Variants in SLC45A1 observed in about 807,000 individuals in gnomAD.
SLC45A1 encodes the protein proton-associated sugar transporter A.
A neutral mutation model predicts 57.6 loss-of-function variants in SLC45A1; 28 were observed. The observed-to-expected ratio is 0.49, with a 90% CI of 0.36 to 0.67. The LOEUF (loss-of-function observed/expected upper bound fraction) is 0.67. Ranked by LOEUF, SLC45A1 falls within the 30% of genes least tolerant of loss-of-function variation. SLC45A1 has a pLI of 0.00. For missense variants in SLC45A1, 814 were observed against 1,041.5 expected (o/e 0.78, Z 3.01); for synonymous variants, 459 against 471.5 (o/e 0.97, Z 0.34).
chr1:8,340,580 G>A (rs1640778097), intron 8 of SLC45A1, among the ~76,000 whole-genome samples: 2 of 152,118 alleles, frequency 1.3e-5, no homozygotes, highest in Admixed American at 6.5e-5. Flanking sequence ...CTGACTAGAC[G>A]TTTCTTGCCC....
chr1:8,337,454 T>G (rs1271253884), intron 6 of SLC45A1, among the ~76,000 whole-genome samples: 1 of 152,238 alleles, frequency 6.6e-6, no homozygotes, highest in African/African-American at 2.4e-5. Flanking sequence ...AGTCTCGCTC[T>G]GTCGCCCGGG....
At position 8,324,500 on chromosome 1, in the gene SLC45A1, T is replaced by TCCCGGG; in HGVS notation, c.174_175insGGGCCC (p.Pro58_Ser59insGlyPro). On this transcript the variant is annotated inframe_insertion, in exon 2 of 9. Transcript: ENST00000471889. ...ACCCCAAGAGGAGGAAGTGCATTCG[T>TCCCGGG]CCCTCCCCACCCCCGCCCCCCAACA... The TCCCGGG allele has an allele frequency of 6.2e-7, 1 of 1,610,694 alleles. No individual in the cohort carries two copies. The highest frequency in any genetic ancestry group is 8.5e-7 in the Non-Finnish European group (1 of 1,178,912).
rs1480304702 is a variant in SLC45A1 at position 8,326,038 on chromosome 1, G to C, written c.711G>C (p.Leu237=). ...GAGGCCTGAACATCCACGCCCTCCT[G>C]GCAGGTGAGTCTCCGCAGCAGGGCC... The part of the protein sequence containing the change: ...QDRGLNIHAL[L]AGLGGGFGYV... The change falls in exon 4 of 9, where the codon CTG becomes CTC. Residue 237 remains leucine (L), a synonymous_variant. Transcript: ENST00000471889. The surrounding 1 kb of genome is among the most constrained non-coding windows in gnomAD (Gnocchi z 5.5). 22 of 1,601,502 alleles carry C rather than the reference G, an allele frequency of 1.4e-5. No homozygotes were observed. Among genetic ancestry groups the C allele is most frequent in the Non-Finnish European group, 1.7e-5 (20 of 1,179,718 alleles).
chr1:8,337,913 G>C lies in SLC45A1; in HGVS notation c.1695G>C (p.Ala565=), dbSNP rs142256672. The C allele has an allele frequency of 3.3e-5, 53 of 1,613,978 alleles. 1 individual carries two copies. The highest frequency in any genetic ancestry group is 8.0e-5 in the African/African-American group (6 of 74,904). The change falls in exon 7 of 9, where the codon GCG becomes GCC. Residue 565 remains alanine (A), a synonymous_variant. Transcript: ENST00000471889. ...CCAAGGCCCCGCACACATCAGAGGC[G>C]TATCAGAAGTACAACAGCGGCGTGA... ...GDPKAPHTSE[A]YQKYNSGVTM...
rs1640198411 is a variant in SLC45A1 at position 8,326,171 on chromosome 1, A to G, written c.715+129A>G. 7.3e-6 allele frequency: 5 copies of G among 686,224 alleles called. No homozygotes were observed. The highest frequency in any genetic ancestry group is 1.2e-5 in the Non-Finnish European group (5 of 408,606). 42.5% of individuals were successfully genotyped at this position (686,224 alleles called of 1,614,324 possible). On this transcript the variant is annotated intron_variant, in intron 4 of 8. Coordinates refer to ENST00000471889, the MANE Select transcript of SLC45A1 (RefSeq NM_001080397.3). The surrounding 1 kb of genome is among the most constrained non-coding windows in gnomAD (Gnocchi z 5.5). ...GGAGAATTCCAATACATGGAGAAAC[A>G]CTGAAGTGATTGAAAATACATATCT...
At chr1:8,339,767 A>T (rs777302772) in intron 8 of SLC45A1, 69 bp downstream of exon 8, 55 of 1,394,074 alleles carry the variant, frequency 3.9e-5, no homozygotes, top group Admixed American at 8.4e-5. Flanking sequence ...ACTGTCCCCC[A>T]GGACCAGCTG....
At position 8,326,769 on chromosome 1, in the gene SLC45A1, G is replaced by A. The variant is rs924634677; in HGVS notation, c.715+727G>A. 1.3e-5 allele frequency among the ~76,000 whole-genome samples: 2 copies of A among 152,082 alleles called. No homozygotes were observed. The highest frequency in any genetic ancestry group is 2.9e-5 in the Non-Finnish European group (2 of 68,010). The stretch of plus-strand genomic sequence containing the variant: ...TGAGGTGGGTGGATCACCTGAGGTC[G>A]GGAGTTCGAGACCAGCCTGACCAAC... On this transcript the variant is annotated intron_variant, in intron 4 of 8. Transcript: ENST00000471889. The surrounding 1 kb of genome is among the most constrained non-coding windows in gnomAD (Gnocchi z 5.5).
chr1:8,320,176 G>A (rs1639957161), intron 1 of SLC45A1, among the ~76,000 whole-genome samples: 1 of 152,188 alleles, frequency 6.6e-6, no homozygotes, highest in East Asian at 1.9e-4. Context: ...GTTTAATTCT[G>A]GTTCAGATGC....
Position 8,326,024 on chromosome 1 carries a change from A to G in SLC45A1, c.697A>G (p.Ile233Val). The G allele has an allele frequency of 6.2e-7, 1 of 1,604,236 alleles. No homozygotes were observed. The highest frequency in any genetic ancestry group is 8.5e-7 in the Non-Finnish European group (1 of 1,179,898). ...SPADQDRGLN[I>V]HALLAGLGGG... Reference sequence around the variant, plus strand: ...CGCAGACCAGGACCGAGGCCTGAACATCCACGCCCTCCTGGCAGGTGAGTC... The same window carrying G: ...CGCAGACCAGGACCGAGGCCTGAACGTCCACGCCCTCCTGGCAGGTGAGTC... The change falls in exon 4 of 9, where the codon ATC (isoleucine) becomes GTC (valine). Residue 233 changes from isoleucine (I) to valine (V), a missense_variant. By Grantham distance (29) the Ile-to-Val change is conservative. Coordinates refer to ENST00000471889, the MANE Select transcript of SLC45A1 (RefSeq NM_001080397.3). The surrounding 1 kb of genome is among the most constrained non-coding windows in gnomAD (Gnocchi z 5.5).
chr1:8,342,479 C>T (rs1043699149), intron 8 of SLC45A1, among the ~76,000 whole-genome samples: 5 of 152,182 alleles, frequency 3.3e-5, no homozygotes, highest in African/African-American at 1.2e-4. Flanking sequence ...TTCCTGTCCC[C>T]ATGGACTTGC....
intron 5 of SLC45A1, among the ~76,000 whole-genome samples, chr1:8,333,952 G>A (rs963100571): frequency 1.9e-4 from 29 of 152,232 alleles, no homozygotes; most frequent in African/African-American, 7.0e-4. Flanking sequence ...GGAAATCACT[G>A]GAGAGCCAGG....
In SLC45A1 at chr1:8,343,184, G is replaced by T. The variant is rs1640885210; in HGVS notation, c.1981-563G>T. The stretch of plus-strand genomic sequence containing the variant: ...CTGGTGCTGGGGGAGCCCAGTGAGG[G>T]AAAGCCATGCCACCGCTCCCCACCG... On this transcript the variant is annotated intron_variant, in intron 8 of 8. Coordinates refer to ENST00000471889, the MANE Select transcript of SLC45A1 (RefSeq NM_001080397.3). This position sits in a 1 kb window ranked among gnomAD's most constrained non-coding sequence, Gnocchi z 7.7. Among the ~76,000 whole-genome samples, 1 of 152,170 alleles carries T rather than the reference G, an allele frequency of 6.6e-6. No individual in the cohort carries two copies.
chr1:8,336,450 C>T (rs1382183005), intron 6 of SLC45A1, among the ~76,000 whole-genome samples: 4 of 151,868 alleles, frequency 2.6e-5, no homozygotes, highest in African/African-American at 9.7e-5. Flanking sequence ...CTGGGGCTCT[C>T]ATACATTGTG....
rs1023066186 is a variant in SLC45A1, at chr1:8,318,172, C to G, written c.-39C>G. The G allele has an allele frequency of 1.4e-5, 6 of 444,080 alleles. No homozygotes were observed. The South Asian group carries it at 1.7e-4, about 13-fold the overall frequency. The allele number at this position is 444,080 out of a possible 1,614,324, so 27.5% of individuals were successfully genotyped here. On this transcript the variant is annotated 5_prime_UTR_variant, in exon 1 of 9. Coordinates refer to ENST00000471889, the MANE Select transcript of SLC45A1 (RefSeq NM_001080397.3). ...GCCCAGCGGGGACAGGGATGCCTGC[C>G]GTCTCCACCCACAGGTACCACCGTC...
intron 8 of SLC45A1, among the ~76,000 whole-genome samples, chr1:8,340,162 TTTC>T (rs1640765008): frequency 6.7e-6 from 1 of 150,050 alleles, no homozygotes; most frequent in African/African-American, 2.5e-5. Context: ...TCTTTCTTTC[TTTC>T]TTTTTTTTTT....
At chr1:8,319,984 C>T (rs1297925340) in intron 1 of SLC45A1, among the ~76,000 whole-genome samples, 7 of 152,214 alleles carry the variant, frequency 4.6e-5, no homozygotes, top group Non-Finnish European at 8.8e-5. Flanking sequence ...TCCCAAAGTG[C>T]TGGCATTACA....
chr1:8,330,885 A>G lies in SLC45A1; in HGVS notation c.1392A>G (p.Gly464=). 6.2e-7 allele frequency: 1 copy of G among 1,603,908 alleles called. No homozygotes were observed. The highest frequency in any genetic ancestry group is 8.5e-7 in the Non-Finnish European group (1 of 1,172,780). ...CCTTGGCCATCCCGGACGCAGCCGGAGGAGGGGGTCCCGAAACCAGCAGGA... is the reference window on the plus strand; with the variant it reads ...CCTTGGCCATCCCGGACGCAGCCGGGGGAGGGGGTCCCGAAACCAGCAGGA... ...PQTLAIPDAA[G]GGGPETSRRR... Residue 464 remains glycine (G), a synonymous_variant, in exon 5 of 9, where the codon GGA becomes GGG. Coordinates refer to ENST00000471889, the MANE Select transcript of SLC45A1 (RefSeq NM_001080397.3). This position sits in a 1 kb window ranked among gnomAD's most constrained non-coding sequence, Gnocchi z 8.4.
intron 4 of SLC45A1, among the ~76,000 whole-genome samples, chr1:8,329,432 G>C (rs1484047510): frequency 6.6e-6 from 1 of 152,228 alleles, no homozygotes; most frequent in African/African-American, 2.4e-5. Flanking sequence ...TCGTGGACCC[G>C]CAGCTGGCTG....
chr1:8,330,927 C>T lies in SLC45A1; in HGVS notation c.1434C>T (p.Phe478=), dbSNP rs1255329302. 15 of 1,588,460 alleles carry T rather than the reference C, an allele frequency of 9.4e-6. No homozygotes were observed. The highest frequency in any genetic ancestry group is 1.2e-5 in the Non-Finnish European group (14 of 1,163,248). The change falls in exon 5 of 9, where the codon TTC becomes TTT. Residue 478 remains phenylalanine, a synonymous_variant. Coordinates refer to ENST00000471889, the MANE Select transcript of SLC45A1 (RefSeq NM_001080397.3). This position sits in a 1 kb window ranked among gnomAD's most constrained non-coding sequence, Gnocchi z 8.4. ...CCAGCAGGAGAAGGAATGTGACCTT[C>T]AGTCAGCAGGTAACAGCAAATGTCG... ...PETSRRRNVT[F]SQQVANILLN...
Sources: gnomAD v4.1 joint callset for allele counts (sites outside exome capture counted in the v4.1 genomes callset) on GRCh38, gnomAD v4.1.1 for gene constraint, Gnocchi (gnomAD v3.1) non-coding constraint, MANE v1.5 for transcripts, NCBI Gene and HGNC (gene_info 2026-07-23, HGNC 2026-07-21) for gene names.